The following PDLIM5 variants were observed in gnomAD, a reference collection of about 807,000 sequenced individuals.
PDLIM5 encodes PDZ and LIM domain protein 5.
PDLIM5 carries 34 observed loss-of-function variants against 64.2 expected under a neutral mutation model. The ratio of observed to expected loss-of-function variants is 0.53; its 90% CI spans 0.40 to 0.71. PDLIM5 has a LOEUF of 0.71. Ranked by LOEUF, PDLIM5 falls within the 30% of genes least tolerant of loss-of-function variation. The probability of loss-of-function intolerance (pLI) is 0.00; values close to 1 mark genes in which losing one functional copy is unlikely to be tolerated. For synonymous variants in PDLIM5, 253 were observed against 269.1 expected, an observed-to-expected ratio of 0.94 and a Z score of 0.59; for missense variants, 683 against 733.6, an observed-to-expected ratio of 0.93 and a Z score of 0.80.
At position 94,640,301 on chromosome 4, in the gene PDLIM5, C is replaced by G; in HGVS notation, c.1134C>G (p.Asn378Lys). 6.2e-7 allele frequency: 1 copy of G among 1,608,576 alleles called. No individual in the cohort carries two copies. Among genetic ancestry groups the G allele is most frequent in the Non-Finnish European group, 8.5e-7 (1 of 1,176,138 alleles). Residue 378 changes from asparagine to lysine, a missense_variant, in exon 9 of 13, where the codon AAC becomes AAG. By Grantham distance (94) the Asn-to-Lys change is moderately conservative. Transcript: ENST00000317968. Reference protein sequence around the residue: ...QGVPSTGRISNSATYSGSVAP... With the variant: ...QGVPSTGRISKSATYSGSVAP... ...TACCTTCCACTGGAAGAATCTCAAA[C>G]AGCGCTACTTACTCAGGATCAGTGG... is the stretch of plus-strand genomic sequence containing the variant.
At chr4:94,605,848 A>C (rs544468332) in intron 7 of PDLIM5, among the ~76,000 whole-genome samples, 81 of 151,314 alleles carry the variant, frequency 5.4e-4, no homozygotes, top group Non-Finnish European at 1.8e-4. Flanking sequence ...CAACTTCTCC[A>C]ACTCACTCCC....
chr4:94,590,639 C>T (rs762863602), intron 7 of PDLIM5, among the ~76,000 whole-genome samples: 4 of 152,086 alleles, frequency 2.6e-5, no homozygotes, highest in Non-Finnish European at 4.4e-5. Context: ...ATGCCAGCAG[C>T]TGGGAGTGGA....
chr4:94,460,056 A>G (rs963484172), intron 2 of PDLIM5, among the ~76,000 whole-genome samples: 4 of 152,174 alleles, frequency 2.6e-5, no homozygotes, highest in Non-Finnish European at 5.9e-5. Context: ...ATTTTCTTTT[A>G]TATTCCCTCC....
rs1408861169 is a variant in PDLIM5, at chr4:94,523,773, T to C, written c.146T>C (p.Val49Ala). ...CAGGCAAATGTAAGAATAGGCGATG[T>C]GGTTCTCAGCATTGATGGAATAAAT... ...AAQANVRIGD[V>A]VLSIDGINAQ... The change falls in exon 3 of 13, where the codon GTG becomes GCG. Residue 49 changes from valine to alanine, a missense_variant. Val to Ala is a moderately conservative substitution (Grantham distance 64). Coordinates refer to ENST00000317968, the MANE Select transcript of PDLIM5 (RefSeq NM_006457.5). 3 of 1,612,956 alleles carry C rather than the reference T, an allele frequency of 1.9e-6. No homozygotes were observed. In the South Asian group the frequency reaches 3.3e-5, roughly 18 times the overall value.
intron 1 of PDLIM5, among the ~76,000 whole-genome samples, chr4:94,452,790 G>C (rs1173833250): frequency 1.3e-5 from 2 of 152,132 alleles, no homozygotes; most frequent in African/African-American, 4.8e-5. Flanking sequence ...CCTTCCTGAC[G>C]GGGAGGACGT....
At chr4:94,516,869 C>T (rs1223769300) in intron 2 of PDLIM5, among the ~76,000 whole-genome samples, 1 of 152,116 alleles carries the variant, frequency 6.6e-6, no homozygotes. Context: ...ACATTAGACA[C>T]ATAAACCAGA....
chr4:94,486,446 A>G (rs1349798692), intron 2 of PDLIM5, among the ~76,000 whole-genome samples: 4 of 152,216 alleles, frequency 2.6e-5, no homozygotes, highest in Non-Finnish European at 2.9e-5. Flanking sequence ...GTTTTGTGTG[A>G]CAAACACTGC....
intron 3 of PDLIM5, among the ~76,000 whole-genome samples, chr4:94,543,416 A>T (rs2110190056): frequency 6.6e-6 from 1 of 152,310 alleles, no homozygotes; most frequent in African/African-American, 2.4e-5. Context: ...CATATGTATT[A>T]TCCCACATTT....
intron 7 of PDLIM5, among the ~76,000 whole-genome samples, chr4:94,614,301 G>A (rs951540001): frequency 6.7e-6 from 1 of 149,778 alleles, no homozygotes; most frequent in Non-Finnish European, 1.5e-5. Context: ...TTTTTACAGA[G>A]ACAAGGTCTT....
chr4:94,643,540 A>G (rs1450959467), intron 9 of PDLIM5, among the ~76,000 whole-genome samples: 1 of 152,160 alleles, frequency 6.6e-6, no homozygotes, highest in Non-Finnish European at 1.5e-5. Context: ...ATCTAGTGGC[A>G]TTAAAATCTA....
chr4:94,514,016 T>C (rs532662818), intron 2 of PDLIM5, among the ~76,000 whole-genome samples: 12 of 152,324 alleles, frequency 7.9e-5, no homozygotes, highest in Admixed American at 3.3e-4. Flanking sequence ...TGATATGATG[T>C]ATCACACTGA....
intron 9 of PDLIM5, among the ~76,000 whole-genome samples, chr4:94,645,152 G>A (rs1741313863): frequency 6.6e-6 from 1 of 152,118 alleles, no homozygotes; most frequent in Admixed American, 6.5e-5. Flanking sequence ...TCCTACTTAT[G>A]AGTGAGAACA....
chr4:94,608,791 A>T (rs1738132493), intron 7 of PDLIM5, among the ~76,000 whole-genome samples: 1 of 152,196 alleles, frequency 6.6e-6, no homozygotes, highest in Non-Finnish European at 1.5e-5. Flanking sequence ...GCAGAAACTC[A>T]GAAGTGGAAT....
At chr4:94,522,980 G>T (rs1014990338) in intron 2 of PDLIM5, among the ~76,000 whole-genome samples, 1 of 152,094 alleles carries the variant, frequency 6.6e-6, no homozygotes, top group African/African-American at 2.4e-5. Context: ...TAATATATCT[G>T]CTTCTTTTGG....
chr4:94,577,198 T>G (rs1735343981), intron 5 of PDLIM5: 2 of 457,128 alleles, frequency 4.4e-6, no homozygotes, highest in African/African-American at 4.0e-5. Context: ...GCCTGATGGT[T>G]TTTACCAATG....
rs1455932984 is a variant in PDLIM5 at position 94,666,742 on chromosome 4, T to C, written c.*2675T>C. On this transcript the variant is annotated 3_prime_UTR_variant, in exon 13 of 13. Transcript: ENST00000317968. ...TTCATCAGACCTTCTTTCTACATATTATTCATGAAGCATAATGTTGCATTT... is the reference window on the plus strand; with the variant it reads ...TTCATCAGACCTTCTTTCTACATATCATTCATGAAGCATAATGTTGCATTT... The C allele has an allele frequency of 6.6e-6, 1 of 152,252 alleles. No homozygotes were observed. Among genetic ancestry groups the C allele is most frequent in the East Asian group, 1.9e-4 (1 of 5,200 alleles). The allele number at this position is 152,252 out of a possible 1,614,324, so 9.4% of individuals were successfully genotyped here.
intron 11 of PDLIM5, among the ~76,000 whole-genome samples, chr4:94,659,894 A>AT (rs1380912498): frequency 1.6e-5 from 2 of 125,994 alleles, no homozygotes; most frequent in African/African-American, 6.6e-5. Context: ...CTAGAAAAAA[A>AT]TTACACTTTT....
intron 8 of PDLIM5, among the ~76,000 whole-genome samples, chr4:94,639,294 C>T (rs927562228): frequency 5.3e-5 from 8 of 152,068 alleles, no homozygotes; most frequent in East Asian, 1.9e-4. Flanking sequence ...GTATGCAGCA[C>T]GTGGAAGCAG....
intron 5 of PDLIM5, 138 bp from the exon 6 acceptor site, chr4:94,585,427 A>ATT: frequency 1.8e-6 from 1 of 561,544 alleles, no homozygotes; most frequent in Non-Finnish European, 2.8e-6. Context: ...GAGACCGAAT[A>ATT]TACTTGCAAA....
Sources: gnomAD v4.1 joint callset for allele counts (sites outside exome capture counted in the v4.1 genomes callset) on GRCh38, gnomAD v4.1.1 for gene constraint, MANE v1.5 for transcripts, NCBI Gene and HGNC (gene_info 2026-07-23, HGNC 2026-07-21) for gene names.